The following ACTN4 variants were observed in gnomAD, a reference collection of about 807,000 sequenced individuals.
ACTN4 encodes the protein alpha-actinin-4.
A neutral mutation model predicts 114.2 loss-of-function variants in ACTN4; 18 were observed. The ratio of observed to expected loss-of-function variants is 0.16; its 90% CI spans 0.11 to 0.23. The LOEUF (loss-of-function observed/expected upper bound fraction) is 0.23. Among genes scored for constraint, ACTN4 ranks in the 10% least tolerant of loss-of-function variants. The pLI is 1.00. For synonymous variants in ACTN4, 515 were observed against 506.3 expected (o/e 1.02, Z -0.23); for missense variants, 722 against 1,262.9 (o/e 0.57, Z 6.49).
chr19:38,663,899 G>C (rs1387667286), intron 1 of ACTN4, among the ~76,000 whole-genome samples: 1 of 152,200 alleles, frequency 6.6e-6, no homozygotes, highest in Non-Finnish European at 1.5e-5. Flanking sequence ...TATGTTTTCA[G>C]CCTGCTGATG....
rs1016842450 is a variant in ACTN4 at position 38,731,426 on chromosome 19, C to T, written c.*1994C>T. 6 of 606,124 alleles carry T rather than the reference C, an allele frequency of 9.9e-6. No individual in the cohort carries two copies. The Admixed American group carries it at 1.3e-4, about 13-fold the overall frequency. 37.5% of individuals were successfully genotyped at this position (606,124 alleles called of 1,614,324 possible). On this transcript the variant is annotated 3_prime_UTR_variant, in exon 21 of 21. Transcript: ENST00000252699. ...ATCCATCAAACGGACTAAGACAGCC[C>T]CGACCCCATAGGGTGTGTGAAGACA...
intron 1 of ACTN4, among the ~76,000 whole-genome samples, chr19:38,673,838 A>G (rs1399605221): frequency 3.2e-5 from 4 of 123,228 alleles, no homozygotes; most frequent in Admixed American, 3.1e-4. Context: ...GCTGGAGTGC[A>G]GTAGCGTGAT....
At chr19:38,723,261 C>T (rs915348821) in intron 12 of ACTN4, among the ~76,000 whole-genome samples, 1 of 152,166 alleles carries the variant, frequency 6.6e-6, no homozygotes, top group South Asian at 2.1e-4. Context: ...TCCCCAGAGT[C>T]GTTCCCTGCC....
rs560453895 is a variant in ACTN4, at chr19:38,674,923, C to T, written c.163-25677C>T. 5.9e-5 allele frequency among the ~76,000 whole-genome samples: 9 copies of T among 152,256 alleles called. No individual in the cohort carries two copies. The East Asian group carries it at 1.5e-3, about 26-fold the overall frequency. On this transcript the variant is annotated intron_variant, in intron 1 of 20. Transcript: ENST00000252699. ...GCTGATTCAGTAGCCCAGAGTTGTA[C>T]GAGTCCTTGGGTGTTTCACCTTCAT...
In ACTN4 at chr19:38,729,483, G is replaced by A; in HGVS notation, c.*51G>A. On this transcript the variant is annotated 3_prime_UTR_variant, in exon 21 of 21. Coordinates refer to ENST00000252699, the MANE Select transcript of ACTN4 (RefSeq NM_004924.6). ...CCCGACGGCCTCCAGGAGGGGCCTGGGCAGCCCCACAGTCCCATTCCTCCA... is the reference window on the plus strand; with the variant it reads ...CCCGACGGCCTCCAGGAGGGGCCTGAGCAGCCCCACAGTCCCATTCCTCCA... 7.1e-7 allele frequency: 1 copy of A among 1,408,396 alleles called. No individual in the cohort carries two copies. Among genetic ancestry groups the A allele is most frequent in the Non-Finnish European group, 9.5e-7 (1 of 1,057,044 alleles). 87.2% of individuals were successfully genotyped at this position (1,408,396 alleles called of 1,614,324 possible).
At position 38,727,908 on chromosome 19, in the gene ACTN4, G is replaced by A. The variant is rs760002936; in HGVS notation, c.2338-38G>A. The stretch of plus-strand genomic sequence containing the variant: ...GATCCCTCATCCTGGTCTCCACGCC[G>A]CCCCTCCCGCACACCTGCCTTCGGA... On this transcript the variant is annotated intron_variant, in intron 18 of 20. Transcript: ENST00000252699. The surrounding 1 kb of genome is among the most constrained non-coding windows in gnomAD (Gnocchi z 5.4). 4.4e-5 allele frequency: 71 copies of A among 1,603,260 alleles called. No homozygotes were observed. In the East Asian group the frequency reaches 5.8e-4, roughly 13 times the overall value.
rs1313713766 is a variant in ACTN4, at chr19:38,717,946, A to G, written c.1163A>G (p.Gln388Arg). 6.2e-7 allele frequency: 1 copy of G among 1,604,360 alleles called. No individual in the cohort carries two copies. Among genetic ancestry groups the G allele is most frequent in the Non-Finnish European group, 8.5e-7 (1 of 1,175,450 alleles). ...KMVSDINNGW[Q>R]HLEQAEKGYE... Reference sequence around the variant, plus strand: ...CCCCAGGACATCAACAATGGCTGGCAGCACTTGGAGCAGGCTGAGAAGGGC... The same window carrying G: ...CCCCAGGACATCAACAATGGCTGGCGGCACTTGGAGCAGGCTGAGAAGGGC... The change falls in exon 11 of 21, where the codon CAG (glutamine) becomes CGG (arginine). Residue 388 changes from glutamine to arginine, a missense_variant. Physicochemically the swap from Gln to Arg is conservative, Grantham distance 43. Transcript: ENST00000252699. This position sits in a 1 kb window ranked among gnomAD's most constrained non-coding sequence, Gnocchi z 4.0.
chr19:38,716,411 G>A (rs1023392110), intron 9 of ACTN4, among the ~76,000 whole-genome samples: 1 of 152,258 alleles, frequency 6.6e-6, no homozygotes. Flanking sequence ...CCCAGAAGCA[G>A]TCAGGCTCTC....
At chr19:38,696,803 G>C (rs1322712054) in intron 1 of ACTN4, among the ~76,000 whole-genome samples, 1 of 152,200 alleles carries the variant, frequency 6.6e-6, no homozygotes, top group Non-Finnish European at 1.5e-5. Flanking sequence ...CTGGGTGGGA[G>C]TTCCCTTCTG....
intron 1 of ACTN4, among the ~76,000 whole-genome samples, chr19:38,661,966 TTAAA>T (rs1315983141): frequency 6.6e-6 from 1 of 152,240 alleles, no homozygotes; most frequent in African/African-American, 2.4e-5. Flanking sequence ...AGCCTGATTT[TTAAA>T]CTGGCTTTTC....
intron 6 of ACTN4, 104 bp downstream of exon 6, chr19:38,708,299 T>G: frequency 7.5e-7 from 1 of 1,332,508 alleles, no homozygotes; most frequent in Non-Finnish European, 1.1e-6. Flanking sequence ...CCTCCAGATC[T>G]GGGTTCTGCA....
At position 38,647,883 on chromosome 19, in the gene ACTN4, G is replaced by C; in HGVS notation, c.138G>C (p.Pro46=). 1 of 1,524,436 alleles carries C rather than the reference G, an allele frequency of 6.6e-7. No individual in the cohort carries two copies. Among genetic ancestry groups the C allele is most frequent in the Non-Finnish European group, 8.8e-7 (1 of 1,135,044 alleles). 94.4% of individuals were successfully genotyped at this position (1,524,436 alleles called of 1,614,324 possible). The stretch of plus-strand genomic sequence containing the variant: ...GGGACCGGGACCTGCTGCTGGACCC[G>C]GCCTGGGAGAAGCAGCAGCGCAAGG... ...DDWDRDLLLD[P]AWEKQQRKTF... Residue 46 remains proline (P), a synonymous_variant, in exon 1 of 21, where the codon CCG becomes CCC. Coordinates refer to ENST00000252699, the MANE Select transcript of ACTN4 (RefSeq NM_004924.6).
intron 1 of ACTN4, among the ~76,000 whole-genome samples, chr19:38,690,437 G>A (rs756654535): frequency 3.9e-5 from 6 of 152,184 alleles, no homozygotes; most frequent in Non-Finnish European, 7.3e-5. Context: ...TGTCCTAATC[G>A]AGCTAAACAC....
In ACTN4 at chr19:38,727,799, G is replaced by A. The variant is rs1327086697; in HGVS notation, c.2338-147G>A. 1.9e-5 allele frequency: 14 copies of A among 741,688 alleles called. No individual in the cohort carries two copies. Among genetic ancestry groups the A allele is most frequent in the Middle Eastern group, 2.5e-4 (1 of 3,942 alleles). The allele number at this position is 741,688 out of a possible 1,614,324, so 45.9% of individuals were successfully genotyped here. A position where few individuals can be genotyped will look rare whatever the true frequency, so the allele number is the denominator to read the frequency against. ...GCCGCCCCCGACCCCACGTGTCCCT[G>A]GCCATCTCCTTGTCCATGTTGCCTC... On this transcript the variant is annotated intron_variant, in intron 18 of 20. Coordinates refer to ENST00000252699, the MANE Select transcript of ACTN4 (RefSeq NM_004924.6). This position sits in a 1 kb window ranked among gnomAD's most constrained non-coding sequence, Gnocchi z 5.4.
intron 1 of ACTN4, among the ~76,000 whole-genome samples, chr19:38,664,531 C>T (rs1400989387): frequency 1.3e-5 from 2 of 152,120 alleles, no homozygotes; most frequent in African/African-American, 4.8e-5. Context: ...AGAAATCATC[C>T]AGGAGAACTC....
intron 1 of ACTN4, among the ~76,000 whole-genome samples, chr19:38,690,506 A>G (rs1350733948): frequency 1.3e-5 from 2 of 152,120 alleles, no homozygotes; most frequent in Non-Finnish European, 2.9e-5. Context: ...GAGCTATAAC[A>G]CTCACTGCAT....
intron 1 of ACTN4, among the ~76,000 whole-genome samples, chr19:38,694,058 A>G (rs1946241522): frequency 6.6e-6 from 1 of 152,094 alleles, no homozygotes; most frequent in Admixed American, 6.5e-5. Context: ...TGTGTTCTCA[A>G]AGACAGATGA....
In ACTN4 at chr19:38,730,090, CAA is replaced by C. The variant is rs74176458; in HGVS notation, c.*669_*670del. The stretch of plus-strand genomic sequence containing the variant: ...CACGTGTCTCAGATTTTCTAAGAAC[CAA>C]AAAAAAAAAAGGAAAAAAAACACAA... On this transcript the variant is annotated 3_prime_UTR_variant, in exon 21 of 21. Transcript: ENST00000252699. 2.0e-4 allele frequency: 11 copies of C among 55,188 alleles called. No homozygotes were observed. Among genetic ancestry groups the C allele is most frequent in the Admixed American group, 4.1e-4 (2 of 4,894 alleles). The allele number at this position is 55,188 out of a possible 1,614,324, so 3.4% of individuals were successfully genotyped here. A position where few individuals can be genotyped will look rare whatever the true frequency, so the allele number is the denominator to read the frequency against.
intron 1 of ACTN4, among the ~76,000 whole-genome samples, chr19:38,681,493 C>T (rs1402534851): frequency 1.3e-5 from 2 of 152,236 alleles, no homozygotes; most frequent in Non-Finnish European, 2.9e-5. Flanking sequence ...TGCCACTTCT[C>T]CTGGGGTCCC....
Sources: gnomAD v4.1 joint callset for allele counts (sites outside exome capture counted in the v4.1 genomes callset) on GRCh38, gnomAD v4.1.1 for gene constraint, Gnocchi (gnomAD v3.1) non-coding constraint, MANE v1.5 for transcripts, NCBI Gene and HGNC (gene_info 2026-07-23, HGNC 2026-07-21) for gene names.